ERC2: variants seen among roughly 807,000 people sequenced by gnomAD.
ERC2 encodes ELKS/RAB6-interacting/CAST family member 2.
A neutral mutation model predicts 114.8 loss-of-function variants in ERC2; 42 were observed. The observed-to-expected ratio is 0.37, with a 90% confidence interval of 0.29 to 0.47. The LOEUF (loss-of-function observed/expected upper bound fraction) is 0.47, where lower values mean the gene tolerates loss of function less well. Ranked by LOEUF, ERC2 falls within the 20% of genes least tolerant of loss-of-function variation. The pLI is 0.99. For missense variants in ERC2, 939 were observed against 1,150.7 expected, an observed-to-expected ratio of 0.82 and a Z score of 2.66; for synonymous variants, 454 against 425.5, an observed-to-expected ratio of 1.07 and a Z score of -0.82.
At chr3:56,153,852 C>A (rs910814042) in intron 4 of ERC2, among the ~76,000 whole-genome samples, 2 of 152,056 alleles carry the variant, frequency 1.3e-5, no homozygotes, top group Non-Finnish European at 1.5e-5. Flanking sequence ...TAATATCAGG[C>A]CAAGAAAGAA....
chr3:55,869,887 C>T (rs939078307), intron 14 of ERC2, among the ~76,000 whole-genome samples: 2 of 151,970 alleles, frequency 1.3e-5, no homozygotes, highest in Non-Finnish European at 2.9e-5. Flanking sequence ...AAGGGGGAAC[C>T]GACACTTTCA....
chr3:56,315,704 C>A (rs1409851849), intron 2 of ERC2, among the ~76,000 whole-genome samples: 1 of 151,750 alleles, frequency 6.6e-6, no homozygotes, highest in African/African-American at 2.4e-5. Flanking sequence ...TTATTTCATC[C>A]CTTGATGTTT....
chr3:56,006,710 A>T (rs2149560962), intron 10 of ERC2, among the ~76,000 whole-genome samples: 1 of 152,230 alleles, frequency 6.6e-6, no homozygotes, highest in Admixed American at 6.6e-5. Context: ...TTCTACAGAG[A>T]TGGGACTTGA....
intron 2 of ERC2, among the ~76,000 whole-genome samples, chr3:56,306,137 C>T (rs570379087): frequency 1.9e-4 from 29 of 152,270 alleles, no homozygotes; most frequent in African/African-American, 6.5e-4. Context: ...GTGTGAGCCA[C>T]GGCTCCCAGC....
chr3:56,338,140 G>C (rs1162668510), intron 2 of ERC2, among the ~76,000 whole-genome samples: 2 of 152,232 alleles, frequency 1.3e-5, no homozygotes, highest in Non-Finnish European at 2.9e-5. Context: ...TGAAGTCAGA[G>C]TAACAGTTAG....
intron 3 of ERC2, among the ~76,000 whole-genome samples, chr3:56,180,187 T>G (rs2150041621): frequency 6.6e-6 from 1 of 152,314 alleles, no homozygotes; most frequent in African/African-American, 2.4e-5. Context: ...ACCACTGGAC[T>G]TAGTCAAGGT....
chr3:56,030,025 TTCAG>T (rs2074283054), intron 7 of ERC2, among the ~76,000 whole-genome samples: 1 of 152,180 alleles, frequency 6.6e-6, no homozygotes, highest in Non-Finnish European at 1.5e-5. Flanking sequence ...TTTCTTTTCA[TTCAG>T]TTTCATGTAT....
At chr3:56,237,530 G>A (rs571253624) in intron 3 of ERC2, among the ~76,000 whole-genome samples, 7 of 152,268 alleles carry the variant, frequency 4.6e-5, no homozygotes, top group East Asian at 1.9e-4. Context: ...TGGGAATGCC[G>A]TCCACATCTG....
At chr3:55,653,952 G>A (rs976432182) in intron 17 of ERC2, among the ~76,000 whole-genome samples, 1 of 152,148 alleles carries the variant, frequency 6.6e-6, no homozygotes, top group African/African-American at 2.4e-5. Flanking sequence ...CTGATTTTGA[G>A]CTATCTAGTT....
intron 14 of ERC2, among the ~76,000 whole-genome samples, chr3:55,746,580 G>T (rs772899206): frequency 5.3e-5 from 8 of 152,182 alleles, no homozygotes; most frequent in Non-Finnish European, 1.0e-4. Context: ...ATAAAAGTGA[G>T]TTTATTGGAG....
chr3:55,956,910 C>T (rs967001644), intron 12 of ERC2, among the ~76,000 whole-genome samples: 6 of 150,556 alleles, frequency 4.0e-5, no homozygotes, highest in South Asian at 2.1e-4. Flanking sequence ...TGAGTACCAT[C>T]GCGCATTGTG....
chr3:55,787,585 A>C (rs2069617655), intron 14 of ERC2, among the ~76,000 whole-genome samples: 1 of 152,138 alleles, frequency 6.6e-6, no homozygotes, highest in Admixed American at 6.6e-5. Context: ...CATATATTTT[A>C]CCTCTTTAGA....
At chr3:56,227,071 T>C (rs1365535048) in intron 3 of ERC2, among the ~76,000 whole-genome samples, 1 of 152,106 alleles carries the variant, frequency 6.6e-6, no homozygotes, top group Non-Finnish European at 1.5e-5. Context: ...CTCTCCCTAA[T>C]CATTCCCCCA....
intron 3 of ERC2, among the ~76,000 whole-genome samples, chr3:56,255,930 GCATTTGA>G (rs2052484369): frequency 2.6e-5 from 4 of 152,186 alleles, no homozygotes; most frequent in Admixed American, 2.6e-4. Flanking sequence ...ACTGAAAGCT[GCATTTGA>G]CAAGATTCCC....
chr3:56,264,596 C>CAAA (rs35155507), intron 3 of ERC2, among the ~76,000 whole-genome samples: 1 of 136,752 alleles, frequency 7.3e-6, no homozygotes. Context: ...GACTCCATCT[C>CAAA]AAAAAAAAAA....
At chr3:55,944,411 T>G (rs745352427) in intron 13 of ERC2, among the ~76,000 whole-genome samples, 1 of 152,238 alleles carries the variant, frequency 6.6e-6, no homozygotes, top group Non-Finnish European at 1.5e-5. Context: ...ATATTGTGTT[T>G]GTACAGAAAG....
At chr3:55,657,979 C>T in intron 17 of ERC2, 1 of 152,056 alleles carries the variant, frequency 6.6e-6, no homozygotes, top group Admixed American at 6.5e-5. Flanking sequence ...AGGTATAGCT[C>T]CCACCGTGGA....
chr3:55,841,662 T>C (rs1195394847), intron 14 of ERC2, among the ~76,000 whole-genome samples: 1 of 152,202 alleles, frequency 6.6e-6, no homozygotes, highest in Admixed American at 6.5e-5. Context: ...AGGCAAGTGC[T>C]ATTATGGTTT....
chr3:56,376,459 C>A (rs1410303985), intron 2 of ERC2, among the ~76,000 whole-genome samples: 3 of 143,702 alleles, frequency 2.1e-5, no homozygotes. Flanking sequence ...TAATTGCTCC[C>A]AAAAAAAAAA....
Sources: gnomAD v4.1 joint callset for allele counts (sites outside exome capture counted in the v4.1 genomes callset) on GRCh38, gnomAD v4.1.1 for gene constraint, MANE v1.5 for transcripts, NCBI Gene and HGNC (gene_info 2026-07-23, HGNC 2026-07-21) for gene names.